The following BRD4 variants were observed in gnomAD, a reference collection of about 807,000 sequenced individuals.
BRD4 encodes the protein bromodomain containing 4, also known as bromodomain-containing protein 4.
Under a neutral mutation model 142.1 loss-of-function variants are expected in BRD4, and 16 were observed. That is an observed-to-expected ratio of 0.11 (90% CI 0.08 to 0.17). The LOEUF (loss-of-function observed/expected upper bound fraction) is 0.17. Ranked by LOEUF, BRD4 falls within the 10% of genes least tolerant of loss-of-function variation. The pLI, the probability that BRD4 is intolerant of heterozygous loss-of-function variation, is 1.00. For synonymous variants in BRD4, 833 were observed against 707.5 expected, an observed-to-expected ratio of 1.18 and a Z score of -2.82; for missense variants, 1,424 against 1,810.9, an observed-to-expected ratio of 0.79 and a Z score of 3.88.
intron 7 of BRD4, among the ~76,000 whole-genome samples, chr19:15,260,451 C>T (rs1374420699): frequency 2.6e-5 from 4 of 152,164 alleles, no homozygotes; most frequent in African/African-American, 9.7e-5. Flanking sequence ...GCCTGAAATG[C>T]CACAAACACA....
intron 2 of BRD4, among the ~76,000 whole-genome samples, chr19:15,272,260 G>A (rs928874381): frequency 6.6e-6 from 1 of 152,148 alleles, no homozygotes; most frequent in African/African-American, 2.4e-5. Flanking sequence ...AACACCACCT[G>A]TGCAGCTGCA....
rs577173648 is a variant in BRD4, at chr19:15,312,738, C to G, written c.-35+19552G>C. On this transcript the variant is annotated intron_variant, in intron 1 of 19. Coordinates refer to ENST00000679869, the MANE Select transcript of BRD4 (RefSeq NM_001379291.1). ...ACCACCTGAGGTCAGGAGTTCTAGACCAGCCTGGCCAACATGGGGAAACCC... is the reference window on the plus strand; with the variant it reads ...ACCACCTGAGGTCAGGAGTTCTAGAGCAGCCTGGCCAACATGGGGAAACCC... 1.3e-4 allele frequency among the ~76,000 whole-genome samples: 20 copies of G among 151,752 alleles called. No individual in the cohort carries two copies. In the East Asian group the frequency reaches 3.9e-3, roughly 30 times the overall value.
intron 8 of BRD4, 82 bp downstream of exon 8, chr19:15,256,882 G>T: frequency 1.5e-6 from 2 of 1,296,086 alleles, no homozygotes; most frequent in South Asian, 1.5e-5. Context: ...TCAGAACCAA[G>T]AACATCTCTT....
chr19:15,288,104 A>G (rs2047753801), intron 1 of BRD4, among the ~76,000 whole-genome samples: 1 of 152,112 alleles, frequency 6.6e-6, no homozygotes, highest in Non-Finnish European at 1.5e-5. Flanking sequence ...TTAATACTTC[A>G]TATTTTGCCT....
At chr19:15,302,758 CACTTTGGGAGGCCGAGGCGG>C (rs2047881114) in intron 1 of BRD4, among the ~76,000 whole-genome samples, 1 of 150,626 alleles carries the variant, frequency 6.6e-6, no homozygotes, top group East Asian at 2.0e-4. Context: ...GTAATCTCAG[CACTTTGGGAGGCCGAGGCGG>C]GCGCATCACG....
intron 1 of BRD4, among the ~76,000 whole-genome samples, chr19:15,308,385 G>A (rs1273366965): frequency 6.6e-6 from 1 of 151,304 alleles, no homozygotes; most frequent in Non-Finnish European, 1.5e-5. Flanking sequence ...TCAGGAGTTC[G>A]AGAGCAGACT....
At chr19:15,245,237 G>A (rs1327369545) in intron 11 of BRD4, among the ~76,000 whole-genome samples, 1 of 152,156 alleles carries the variant, frequency 6.6e-6, no homozygotes, top group Non-Finnish European at 1.5e-5. Flanking sequence ...CTAAAAAGCA[G>A]CTTCTCGGGG....
At chr19:15,314,796 G>A (rs1305613369) in intron 1 of BRD4, among the ~76,000 whole-genome samples, 2 of 152,320 alleles carry the variant, frequency 1.3e-5, no homozygotes, top group African/African-American at 2.4e-5. Context: ...CTGCAGAACA[G>A]TCCCAACACT....
intron 1 of BRD4, among the ~76,000 whole-genome samples, chr19:15,319,968 G>A (rs1328657578): frequency 6.6e-6 from 1 of 152,116 alleles, no homozygotes; most frequent in African/African-American, 2.4e-5. Flanking sequence ...GCCATCAATA[G>A]CCCTTTAACC....
intron 1 of BRD4, among the ~76,000 whole-genome samples, chr19:15,325,275 C>T (rs2048097623): frequency 6.6e-6 from 1 of 152,138 alleles, no homozygotes; most frequent in Non-Finnish European, 1.5e-5. Flanking sequence ...CTAACCGAGG[C>T]CTGAATGTGC....
chr19:15,290,813 C>T (rs1019673218), intron 1 of BRD4, among the ~76,000 whole-genome samples: 1 of 152,178 alleles, frequency 6.6e-6, no homozygotes, highest in African/African-American at 2.4e-5. Flanking sequence ...TAAACACAGG[C>T]TCCCTCATGA....
intron 7 of BRD4, among the ~76,000 whole-genome samples, chr19:15,260,342 T>C (rs1258957859): frequency 6.6e-6 from 1 of 152,202 alleles, no homozygotes; most frequent in African/African-American, 2.4e-5. Context: ...CCTGAAGAAG[T>C]GAGCAAGGGC....
At chr19:15,330,417 T>C (rs2048147041) in intron 1 of BRD4, among the ~76,000 whole-genome samples, 1 of 152,054 alleles carries the variant, frequency 6.6e-6, no homozygotes, top group African/African-American at 2.4e-5. Flanking sequence ...AGTGATAAGA[T>C]AAAAAGATAA....
intron 3 of BRD4, 82 bp downstream of exon 3, chr19:15,268,823 C>G: frequency 6.5e-7 from 1 of 1,527,330 alleles, no homozygotes; most frequent in Non-Finnish European, 8.9e-7. Context: ...ACACCCCTGC[C>G]CACGGGCTCC....
chr19:15,331,362 T>C (rs1449174129), intron 1 of BRD4, among the ~76,000 whole-genome samples: 1 of 152,166 alleles, frequency 6.6e-6, no homozygotes. Flanking sequence ...AGGGGGATCA[T>C]TTTATTTCGC....
intron 2 of BRD4, among the ~76,000 whole-genome samples, chr19:15,271,935 A>G (rs1022070613): frequency 6.6e-6 from 1 of 151,962 alleles, no homozygotes; most frequent in Non-Finnish European, 1.5e-5. Context: ...TGGTGTGCAC[A>G]CACCAGTGGC....
intron 8 of BRD4, among the ~76,000 whole-genome samples, chr19:15,256,480 A>G (rs1599452276): frequency 6.6e-6 from 1 of 152,224 alleles, no homozygotes; most frequent in Non-Finnish European, 1.5e-5. Flanking sequence ...ACTCAACTCC[A>G]AAGACTGCCA....
At chr19:15,256,567 C>T (rs914004634) in intron 8 of BRD4, among the ~76,000 whole-genome samples, 7 of 152,310 alleles carry the variant, frequency 4.6e-5, no homozygotes, top group African/African-American at 1.7e-4. Context: ...AGAAGGAGGG[C>T]CCCTAAGAAT....
intron 1 of BRD4, among the ~76,000 whole-genome samples, chr19:15,305,023 CTTT>C (rs34235278): frequency 6.3e-5 from 8 of 126,406 alleles, no homozygotes; most frequent in Admixed American, 1.6e-4. Flanking sequence ...TTAAGACCAT[CTTT>C]TTTTTTTTTT....
Sources: allele counts gnomAD v4.1 joint callset (sites outside exome capture counted in the v4.1 genomes callset), GRCh38; gene constraint gnomAD v4.1.1; transcripts MANE v1.5; gene names NCBI Gene and HGNC (gene_info 2026-07-23, HGNC 2026-07-21).